The following PDE8A variants were observed in gnomAD, a reference collection of about 807,000 sequenced individuals.
PDE8A encodes the protein phosphodiesterase 8A.
PDE8A carries 59 observed loss-of-function variants against 105.0 expected under a neutral mutation model. That is an observed-to-expected ratio of 0.56 (90% confidence interval 0.46 to 0.70). The LOEUF is 0.70. Among genes scored for constraint, PDE8A ranks in the 30% least tolerant of loss-of-function variants. PDE8A has a pLI of 0.00. For synonymous variants in PDE8A, 355 were observed against 371.9 expected, an observed-to-expected ratio of 0.95 and a Z score of 0.52; for missense variants, 1,014 against 1,045.9, an observed-to-expected ratio of 0.97 and a Z score of 0.42.
intron 20 of PDE8A, among the ~76,000 whole-genome samples, chr15:85,135,352 C>T (rs1418500674): frequency 6.6e-6 from 1 of 152,146 alleles, no homozygotes; most frequent in African/African-American, 2.4e-5. Context: ...AACACCTCCT[C>T]AGGCCCTCCC....
intron 17 of PDE8A, chr15:85,120,238 G>T (rs1219692518): frequency 6.6e-6 from 1 of 151,800 alleles, no homozygotes; most frequent in Non-Finnish European, 1.5e-5. Flanking sequence ...TGACCCAGAT[G>T]GACAGGTGAA....
intron 6 of PDE8A, among the ~76,000 whole-genome samples, chr15:85,088,752 C>G (rs1283282001): frequency 6.6e-6 from 1 of 152,022 alleles, no homozygotes; most frequent in African/African-American, 2.4e-5. Context: ...TGTTTATTTT[C>G]TAATTTTTTT....
At chr15:84,995,148 G>T (rs543214473) in intron 1 of PDE8A, among the ~76,000 whole-genome samples, 4 of 152,048 alleles carry the variant, frequency 2.6e-5, no homozygotes, top group Non-Finnish European at 4.4e-5. Flanking sequence ...ATATATCTGC[G>T]TAATCCAAAC....
intron 13 of PDE8A, 138 bp from the exon 14 acceptor site, chr15:85,113,735 G>A: frequency 1.5e-6 from 1 of 686,642 alleles, no homozygotes; most frequent in Non-Finnish European, 2.5e-6. Context: ...GCCCAGGCTA[G>A]TCTCAAACTC....
intron 1 of PDE8A, chr15:85,063,789 A>G (rs1374345710): frequency 6.6e-6 from 1 of 152,608 alleles, no homozygotes; most frequent in Non-Finnish European, 1.5e-5. Context: ...TGGTTATGAT[A>G]TTACATTTAT....
At chr15:85,083,137 A>C (rs3816103) in intron 5 of PDE8A, among the ~76,000 whole-genome samples, 34,525 of 152,164 alleles carry the variant, frequency 0.23, 4,078 homozygotes, top group East Asian at 0.38. Context: ...CGCTTATTGT[A>C]AACTTACATG....
At chr15:85,055,790 A>G (rs1170541071) in intron 1 of PDE8A, among the ~76,000 whole-genome samples, 6 of 152,006 alleles carry the variant, frequency 3.9e-5, no homozygotes, top group Non-Finnish European at 8.8e-5. Flanking sequence ...TTTTAATTGG[A>G]GCATTTAGCC....
chr15:85,091,241 T>A, intron 8 of PDE8A, 60 bp downstream of exon 8: 1 of 1,453,428 alleles, frequency 6.9e-7, no homozygotes. Context: ...GAAGACTTAG[T>A]GTTCATTGAG....
intron 14 of PDE8A, among the ~76,000 whole-genome samples, chr15:85,114,623 A>G (rs2082067675): frequency 6.6e-6 from 1 of 152,132 alleles, no homozygotes; most frequent in Non-Finnish European, 1.5e-5. Flanking sequence ...AGATTATTCC[A>G]TTGCTCTCTG....
intron 12 of PDE8A, among the ~76,000 whole-genome samples, chr15:85,111,327 T>G (rs2082017745): frequency 1.3e-5 from 2 of 152,230 alleles, no homozygotes; most frequent in African/African-American, 4.8e-5. Context: ...TCCCTTGTTT[T>G]CTTCTAGGAG....
At position 85,006,116 on chromosome 15, in the gene PDE8A, G is replaced by T. The variant is rs1596431591; in HGVS notation, c.186+23768G>T. ...AGGGGAACATCACACTCTGGGGACT[G>T]TTGTGAGGTGGGGGGAGGGATAGCA... On this transcript the variant is annotated intron_variant, in intron 1 of 21. Coordinates refer to ENST00000394553, the MANE Select transcript of PDE8A (RefSeq NM_002605.3). Among the ~76,000 whole-genome samples the T allele has an allele frequency of 3.9e-5, 6 of 152,172 alleles. No homozygotes were observed. In the South Asian group the frequency reaches 1.0e-3, roughly 26 times the overall value.
At chr15:85,003,094 CAT>C (rs986984133) in intron 1 of PDE8A, among the ~76,000 whole-genome samples, 1 of 151,850 alleles carries the variant, frequency 6.6e-6, no homozygotes, top group Non-Finnish European at 1.5e-5. Context: ...CTGTAAGTGA[CAT>C]AATGCATTCT....
chr15:85,075,720 G>A, intron 3 of PDE8A, 142 bp from the exon 4 acceptor site: 2 of 547,620 alleles, frequency 3.7e-6, no homozygotes, highest in Non-Finnish European at 6.4e-6. Context: ...TAGTCAAGAA[G>A]GTGAGTGAAT....
chr15:85,121,046 C>T (rs756164776), intron 18 of PDE8A, 32 bp downstream of exon 18: 3 of 1,345,520 alleles, frequency 2.2e-6, no homozygotes, highest in Admixed American at 1.9e-5. Flanking sequence ...TGTGTTGATC[C>T]CTCTCTTTCT....
intron 12 of PDE8A, among the ~76,000 whole-genome samples, chr15:85,112,026 AT>A (rs777790263): frequency 6.6e-6 from 1 of 151,570 alleles, no homozygotes; most frequent in Non-Finnish European, 1.5e-5. Context: ...TTGACTTTGT[AT>A]ATCTAGGAGC....
intron 1 of PDE8A, among the ~76,000 whole-genome samples, chr15:85,040,329 A>G (rs992003784): frequency 2.1e-5 from 3 of 145,254 alleles, no homozygotes; most frequent in Non-Finnish European, 4.5e-5. Context: ...AAGTGCTGGG[A>G]TTACGGCGTG....
intron 3 of PDE8A, among the ~76,000 whole-genome samples, chr15:85,074,876 A>G (rs1252944705): frequency 2.6e-5 from 4 of 152,188 alleles, no homozygotes; most frequent in African/African-American, 9.7e-5. Context: ...CATCCTAGAC[A>G]CATTCTCCAG....
In PDE8A at chr15:85,089,343, G is replaced by C; in HGVS notation, c.641G>C (p.Cys214Ser). Reference protein sequence around the residue: ...EVRSQLKLRACNSVFTALENS... With the variant: ...EVRSQLKLRASNSVFTALENS... Reference sequence around the variant, plus strand: ...TTTTTTGTTTACTCATAAAGGGCTTGTAACTCAGTATTCACTGCATTAGAA... The same window carrying C: ...TTTTTTGTTTACTCATAAAGGGCTTCTAACTCAGTATTCACTGCATTAGAA... Residue 214 changes from cysteine (C) to serine (S), a missense_variant, in exon 7 of 22, where the codon TGT becomes TCT. Physicochemically the swap from Cys to Ser is moderately radical, Grantham distance 112 (BLOSUM62 -1). Coordinates refer to ENST00000394553, the MANE Select transcript of PDE8A (RefSeq NM_002605.3). 1 of 1,555,792 alleles carries C rather than the reference G, an allele frequency of 6.4e-7. No homozygotes were observed. Among genetic ancestry groups the C allele is most frequent in the Non-Finnish European group, 8.8e-7 (1 of 1,131,394 alleles).
intron 1 of PDE8A, among the ~76,000 whole-genome samples, chr15:85,015,908 G>A (rs1460514068): frequency 6.6e-6 from 1 of 152,124 alleles, no homozygotes; most frequent in African/African-American, 2.4e-5. Context: ...AGGGTGAGGT[G>A]GGCAATCACT....
Sources: allele counts gnomAD v4.1 joint callset (sites outside exome capture counted in the v4.1 genomes callset), GRCh38; gene constraint gnomAD v4.1.1; transcripts MANE v1.5; gene names NCBI Gene and HGNC (gene_info 2026-07-23, HGNC 2026-07-21).